ANKRD36C: variants seen among roughly 807,000 people sequenced by gnomAD.
The protein encoded by ANKRD36C is ankyrin repeat domain 36C.
In ANKRD36C, 61 loss-of-function variants were observed where a neutral mutation model predicts 276.4. The observed-to-expected ratio is 0.22, with a 90% confidence interval of 0.18 to 0.27. The LOEUF is 0.27. Ranked by LOEUF, ANKRD36C falls within the 10% of genes least tolerant of loss-of-function variation. ANKRD36C has a pLI of 1.00. For missense variants in ANKRD36C, 1,447 were observed against 2,032.3 expected, an observed-to-expected ratio of 0.71 and a Z score of 5.54; for synonymous variants, 483 against 680.1, an observed-to-expected ratio of 0.71 and a Z score of 4.51.
At chr2:95,974,040 G>A in intron 6 of ANKRD36C, among the ~76,000 whole-genome samples, 1 of 146,146 alleles carries the variant, frequency 6.8e-6, no homozygotes, top group South Asian at 2.1e-4. Context: ...AACAGCAAAA[G>A]ACTCAATCTC....
chr2:95,962,638 T>C, intron 6 of ANKRD36C, 91 bp from the exon 7 acceptor site: 1 of 1,483,926 alleles, frequency 6.7e-7, no homozygotes, highest in Middle Eastern at 2.4e-4. Flanking sequence ...AGCTGTATCC[T>C]CCTGCCCCTA....
intron 13 of ANKRD36C, among the ~76,000 whole-genome samples, chr2:95,954,655 T>C (rs1287005864): frequency 6.6e-6 from 1 of 152,182 alleles, no homozygotes; most frequent in Non-Finnish European, 1.5e-5. Context: ...GGGAATATTC[T>C]TCACAGAAGA....
intron 44 of ANKRD36C, 41 bp downstream of exon 60, chr2:95,897,229 A>G (rs1334166095): frequency 2.9e-6 from 4 of 1,380,166 alleles, no homozygotes; most frequent in South Asian, 2.5e-5. Context: ...TTTCTTATCT[A>G]TCTGGACTGA....
intron 58 of ANKRD36C, among the ~76,000 whole-genome samples, chr2:95,878,171 A>G (rs1158823540): frequency 6.7e-6 from 1 of 149,422 alleles, no homozygotes; most frequent in Admixed American, 6.6e-5. Flanking sequence ...GAGACAGAGC[A>G]AGACTCTGTC....
chr2:95,891,199 C>A (rs147445200), intron 46 of ANKRD36C, among the ~76,000 whole-genome samples: 1 of 150,678 alleles, frequency 6.6e-6, no homozygotes, highest in African/African-American at 2.4e-5. Flanking sequence ...CACCTTCCTG[C>A]CTCACAATCC....
chr2:95,926,109 A>G (rs2104431839), intron 28 of ANKRD36C, among the ~76,000 whole-genome samples: 1 of 151,658 alleles, frequency 6.6e-6, no homozygotes, highest in East Asian at 1.9e-4. Flanking sequence ...TCCTGTATAT[A>G]ATATTCTTTA....
chr2:95,975,191 T>C (rs558871965), intron 6 of ANKRD36C, among the ~76,000 whole-genome samples: 1 of 152,178 alleles, frequency 6.6e-6, no homozygotes, highest in Non-Finnish European at 1.5e-5. Flanking sequence ...ATCGTGAAAA[T>C]GGCCATACTG....
intron 32 of ANKRD36C, 52 bp from the exon 33 acceptor site, chr2:95,921,862 T>A (rs1490355864): frequency 1.9e-6 from 3 of 1,545,990 alleles, no homozygotes; most frequent in Admixed American, 3.8e-5. Flanking sequence ...ACATTTTCCA[T>A]ACATTCATGC....
At chr2:95,949,023 T>A (rs1294721361) in intron 16 of ANKRD36C, among the ~76,000 whole-genome samples, 1 of 152,072 alleles carries the variant, frequency 6.6e-6, no homozygotes, top group Non-Finnish European at 1.5e-5. Context: ...AAAGGCACGG[T>A]CTCTTCTCCA....
intron 44 of ANKRD36C, among the ~76,000 whole-genome samples, chr2:95,896,581 C>T (rs1383168075): frequency 6.8e-6 from 1 of 148,040 alleles, no homozygotes; most frequent in Non-Finnish European, 1.5e-5. Flanking sequence ...ATCAACAAAA[C>T]ATGTATCTCT....
intron 3 of ANKRD36C, among the ~76,000 whole-genome samples, chr2:95,983,261 G>T (rs1349380718): frequency 6.6e-6 from 1 of 151,908 alleles, no homozygotes; most frequent in East Asian, 2.0e-4. Context: ...AACTTTCACT[G>T]CTTATTATTA....
Position 95,911,647 on chromosome 2 carries a change from A to C in ANKRD36C, c.2653+597T>G, listed in dbSNP as rs369228837. Among the ~76,000 whole-genome samples, 3 of 151,612 alleles carry C rather than the reference A, an allele frequency of 2.0e-5. No individual in the cohort carries two copies. In the East Asian group the frequency reaches 5.9e-4, roughly 30 times the overall value. Reference sequence around the variant, plus strand: ...TCAAACACTGTTTCCTGCTTCCAGCAGTTGCTGGAGCTGCCAAAAACAATT... The same window carrying C: ...TCAAACACTGTTTCCTGCTTCCAGCCGTTGCTGGAGCTGCCAAAAACAATT... On this transcript the variant is annotated intron_variant, in intron 42 of 66. Transcript: ENST00000456556.
chr2:95,893,438 T>G, intron 44 of ANKRD36C, 95 bp downstream of exon 64: 1 of 1,484,618 alleles, frequency 6.7e-7, no homozygotes, highest in Non-Finnish European at 9.1e-7. Flanking sequence ...AATCAGAAAG[T>G]GCAGCTTCGA....
chr2:95,929,699 T>C (rs1298152425), intron 24 of ANKRD36C, among the ~76,000 whole-genome samples: 1 of 151,666 alleles, frequency 6.6e-6, no homozygotes, highest in East Asian at 1.9e-4. Context: ...CAAACATTCA[T>C]CATGCTCTTT....
chr2:95,966,050 CT>C (rs1384662767), intron 6 of ANKRD36C, among the ~76,000 whole-genome samples: 1 of 152,036 alleles, frequency 6.6e-6, no homozygotes, highest in African/African-American at 2.4e-5. Context: ...GAATGACTGC[CT>C]TAAAGGCTAT....
At chr2:95,966,128 A>C (rs1456654175) in intron 6 of ANKRD36C, among the ~76,000 whole-genome samples, 6 of 152,106 alleles carry the variant, frequency 3.9e-5, no homozygotes, top group Non-Finnish European at 7.4e-5. Context: ...GAGGTACCCC[A>C]CACACACTCC....
chr2:95,866,177 C>A (rs1275988107), intron 60 of ANKRD36C, among the ~76,000 whole-genome samples: 3 of 151,700 alleles, frequency 2.0e-5, no homozygotes, highest in Admixed American at 2.0e-4. Context: ...AGATCCAAAT[C>A]TATAAAATTT....
intron 6 of ANKRD36C, among the ~76,000 whole-genome samples, chr2:95,976,075 TGA>T (rs1284250635): frequency 6.6e-6 from 1 of 152,066 alleles, no homozygotes; most frequent in African/African-American, 2.4e-5. Flanking sequence ...AAAACCACAA[TGA>T]GATACCATCT....
chr2:95,855,853 T>C lies in ANKRD36C; in HGVS notation c.4408A>G (p.Arg1470Gly), dbSNP rs769892919. The change falls in exon 63 of 67, where the codon AGA becomes GGA. Residue 1470 changes from arginine (R) to glycine (G), a missense_variant. Around this residue, in one of 13 missense-constraint regions of ANKRD36C, gnomAD observed 437 missense variants for 641.0 expected, o/e 0.68. Coordinates refer to ENST00000456556, the Ensembl canonical transcript of ANKRD36C. ...TGATCACATAGAGCAGCATTCAGTC[T>C]ACAACGGTATGATTGCATTTCTGTT... 1.9e-6 allele frequency: 3 copies of C among 1,613,924 alleles called. No individual in the cohort carries two copies. The East Asian group carries it at 6.7e-5, about 36-fold the overall frequency.
Sources: gnomAD v4.1 joint callset for allele counts (sites outside exome capture counted in the v4.1 genomes callset) on GRCh38, gnomAD v4.1.1 for gene constraint, gnomAD v4.1.1 regional missense constraint, MANE v1.5 for transcripts, NCBI Gene and HGNC (gene_info 2026-07-23, HGNC 2026-07-21) for gene names.